Variants in TET3 observed in about 807,000 individuals in gnomAD.
TET3 encodes the protein methylcytosine dioxygenase TET3.
Under a neutral mutation model 141.4 loss-of-function variants are expected in TET3, and 19 were observed. The ratio of observed to expected loss-of-function variants is 0.13; its 90% CI spans 0.09 to 0.20. TET3 has a LOEUF of 0.20. TET3 is among the 10% of genes least tolerant of loss of function. The pLI, the probability that TET3 is intolerant of heterozygous loss-of-function variation, is 1.00. For missense variants in TET3, 1,874 were observed against 2,356.9 expected (o/e 0.80, Z 4.24); for synonymous variants, 1,043 against 980.9 (o/e 1.06, Z -1.18).
rs1181782305 is a variant in TET3 at position 74,106,851 on chromosome 2, AAAATCTGG to A, written c.*4676_*4683del. Reference sequence around the variant, plus strand: ...CGTCTGATGACATACTTGACCTTGAAAAATCTGGGGTCATTTTGTTTTTCATTCTTCAG... The same window carrying A: ...CGTCTGATGACATACTTGACCTTGAAGGTCATTTTGTTTTTCATTCTTCAG... On this transcript the variant is annotated 3_prime_UTR_variant, in exon 12 of 12. Transcript: ENST00000409262. 1 of 152,388 alleles carries A rather than the reference AAAATCTGG, an allele frequency of 6.6e-6. No individual in the cohort carries two copies. The highest frequency in any genetic ancestry group is 1.5e-5 in the Non-Finnish European group (1 of 68,042). 9.4% of individuals were successfully genotyped at this position (152,388 alleles called of 1,614,324 possible).
intron 1 of TET3, among the ~76,000 whole-genome samples, chr2:73,985,446 G>A (rs2105051301): frequency 6.9e-6 from 1 of 144,248 alleles, no homozygotes; most frequent in South Asian, 2.1e-4. Flanking sequence ...GCTCGAGCGC[G>A]CCCCCCTCCC....
At chr2:74,011,656 C>T (rs1010498854) in intron 3 of TET3, among the ~76,000 whole-genome samples, 14 of 152,190 alleles carry the variant, frequency 9.2e-5, no homozygotes, top group Middle Eastern at 3.2e-3. Flanking sequence ...CCCCTATCTT[C>T]GGTGAATCCA....
intron 3 of TET3, among the ~76,000 whole-genome samples, chr2:74,012,480 G>T (rs1685487620): frequency 6.6e-6 from 1 of 152,172 alleles, no homozygotes; most frequent in Admixed American, 6.5e-5. Context: ...TAGTTTTCAG[G>T]ACAGCTCCGA....
intron 3 of TET3, among the ~76,000 whole-genome samples, chr2:74,027,932 TTATATGTA>T (rs1170350389): frequency 6.6e-6 from 1 of 152,156 alleles, no homozygotes; most frequent in Non-Finnish European, 1.5e-5. Flanking sequence ...TTGAATATGA[TTATATGTA>T]TATATGTATA....
At chr2:74,004,892 C>G (rs933003432) in intron 3 of TET3, among the ~76,000 whole-genome samples, 1 of 152,122 alleles carries the variant, frequency 6.6e-6, no homozygotes, top group Non-Finnish European at 1.5e-5. Flanking sequence ...GCACAGAGAT[C>G]GTAGAGTAGA....
intron 2 of TET3, among the ~76,000 whole-genome samples, chr2:73,999,349 A>G (rs1363617067): frequency 6.6e-6 from 1 of 152,210 alleles, no homozygotes; most frequent in Non-Finnish European, 1.5e-5. Flanking sequence ...ATGGGCACAA[A>G]TATTTCCTGT....
At chr2:74,123,371 C>A in the TET3 span, among the ~76,000 whole-genome samples, 4 of 152,366 alleles carry the variant, frequency 2.6e-5, no homozygotes, top group South Asian at 6.2e-4. Flanking sequence ...GTAATCCCAG[C>A]ACTTTGGGAG....
At chr2:74,056,513 C>G (rs767562215) in intron 4 of TET3, among the ~76,000 whole-genome samples, 5 of 151,992 alleles carry the variant, frequency 3.3e-5, no homozygotes, top group Non-Finnish European at 5.9e-5. Flanking sequence ...TCCCCTAGAG[C>G]TTTCTACCAT....
chr2:74,076,908 A>AG (rs1328440682), intron 5 of TET3, among the ~76,000 whole-genome samples: 1 of 152,190 alleles, frequency 6.6e-6, no homozygotes, highest in East Asian at 1.9e-4. Context: ...TGGAGAAAGG[A>AG]GGGGAAGGTT....
At chr2:74,005,538 T>A (rs1275617015) in intron 3 of TET3, among the ~76,000 whole-genome samples, 1 of 152,050 alleles carries the variant, frequency 6.6e-6, no homozygotes, top group Non-Finnish European at 1.5e-5. Flanking sequence ...GCCCTTCCAT[T>A]TTCAGGTCGT....
chr2:74,116,137 G>A, the TET3 span, among the ~76,000 whole-genome samples: 3 of 152,034 alleles, frequency 2.0e-5, no homozygotes, highest in African/African-American at 7.2e-5. Context: ...AATCATCAGG[G>A]AAATGTATAT....
intron 4 of TET3, among the ~76,000 whole-genome samples, chr2:74,067,437 T>C (rs1688969577): frequency 6.6e-6 from 1 of 152,114 alleles, no homozygotes; most frequent in Non-Finnish European, 1.5e-5. Context: ...TGCTAAGCCC[T>C]TTGTGTATTT....
chr2:74,109,728 G>A (rs774978909), downstream of TET3, among the ~76,000 whole-genome samples: 4 of 152,058 alleles, frequency 2.6e-5, no homozygotes, highest in African/African-American at 7.2e-5. Context: ...CCGTGCCCCC[G>A]TCTGTTCACA....
the TET3 span, among the ~76,000 whole-genome samples, chr2:74,114,217 T>G: frequency 2.6e-5 from 4 of 152,056 alleles, no homozygotes; most frequent in Non-Finnish European, 4.4e-5. Context: ...GACAATCTTT[T>G]GAACAAATGG....
chr2:74,032,486 T>TGGCCCCAGCGGCTGCAAGAG (rs1686794926), intron 3 of TET3, among the ~76,000 whole-genome samples: 1 of 89,870 alleles, frequency 1.1e-5, no homozygotes, highest in African/African-American at 5.5e-5. Context: ...TGTGTGTGTG[T>TGGCCCCAGCGGCTGCAAGAG]GTGTGTGTGT....
intron 3 of TET3, among the ~76,000 whole-genome samples, chr2:74,044,625 G>A (rs1377572687): frequency 6.6e-6 from 1 of 152,246 alleles, no homozygotes; most frequent in Non-Finnish European, 1.5e-5. Context: ...TGGCGTGGTT[G>A]ACCAGGGGAT....
At chr2:74,035,201 CA>C (rs35642768) in intron 3 of TET3, among the ~76,000 whole-genome samples, 32,715 of 65,556 alleles carry the variant, frequency 0.5, 6,712 homozygotes, top group East Asian at 0.71. Context: ...GACTCCGTCT[CA>C]AAAAAAAAAA....
At chr2:74,065,573 T>C (rs1320487590) in intron 4 of TET3, among the ~76,000 whole-genome samples, 1 of 149,568 alleles carries the variant, frequency 6.7e-6, no homozygotes, top group Non-Finnish European at 1.5e-5. Flanking sequence ...TTTTTTTGGC[T>C]TGGTCACCTG....
Position 74,047,424 on chromosome 2 carries a change from C to G in TET3, c.1507C>G (p.Pro503Ala). 5 of 1,612,934 alleles carry G rather than the reference C, an allele frequency of 3.1e-6. No homozygotes were observed. Among genetic ancestry groups the G allele is most frequent in the Non-Finnish European group, 4.2e-6 (5 of 1,179,796 alleles). Reference sequence around the variant, plus strand: ...ACCCTCTTCCTCCCCGGCCCCGGCCCCATCCCCTGTACTTCAGAGGGAGGC... The same window carrying G: ...ACCCTCTTCCTCCCCGGCCCCGGCCGCATCCCCTGTACTTCAGAGGGAGGC... ...EAPSSSPAPAPSPVLQREAPT... is the reference protein window; with the variant it reads ...EAPSSSPAPAASPVLQREAPT... Residue 503 changes from proline to alanine, a missense_variant, in exon 4 of 12, where the codon CCA becomes GCA. By Grantham distance (27) the Pro-to-Ala change is conservative (BLOSUM62 -1). Around this residue, in one of 10 missense-constraint regions of TET3, gnomAD observed 484 missense variants for 462.2 expected, o/e 1.05. Transcript: ENST00000409262.
Sources: allele counts gnomAD v4.1 joint callset (sites outside exome capture counted in the v4.1 genomes callset), GRCh38; gene constraint gnomAD v4.1.1; regional missense constraint gnomAD v4.1.1; transcripts MANE v1.5; gene names NCBI Gene and HGNC (gene_info 2026-07-23, HGNC 2026-07-21).